Variants in ERN1 observed in about 807,000 individuals in gnomAD.
ERN1 encodes serine/threonine-protein kinase/endoribonuclease IRE1.
A neutral mutation model predicts 113.1 loss-of-function variants in ERN1; 39 were observed. The ratio of observed to expected loss-of-function variants is 0.34; its 90% CI spans 0.27 to 0.45. The LOEUF (loss-of-function observed/expected upper bound fraction) is 0.45, where lower values mean the gene tolerates loss of function less well. ERN1 is among the 20% of genes least tolerant of loss of function. The pLI is 1.00. For missense variants in ERN1, 976 were observed against 1,274.8 expected, an observed-to-expected ratio of 0.77 and a Z score of 3.57; for synonymous variants, 507 against 515.9, an observed-to-expected ratio of 0.98 and a Z score of 0.23.
chr17:64,117,884 C>A (rs1410118113), intron 1 of ERN1, among the ~76,000 whole-genome samples: 2 of 152,308 alleles, frequency 1.3e-5, no homozygotes, highest in Non-Finnish European at 2.9e-5. Context: ...TCTATCCCAA[C>A]CAACTAGGTA....
Position 64,071,996 on chromosome 17 carries a change from ACAG to A in ERN1, c.460_462del (p.Leu154del). 1 of 1,574,554 alleles carries A rather than the reference ACAG, an allele frequency of 6.4e-7. No individual in the cohort carries two copies. Among genetic ancestry groups the A allele is most frequent in the Non-Finnish European group, 8.6e-7 (1 of 1,159,082 alleles). On this transcript the variant is annotated inframe_deletion, in exon 6 of 22. Transcript: ENST00000433197. ...CATTTCTTACCTGTTCGCCCAAGAT[ACAG>A]AAGAGAGGTTGATGGGCAGAGACTA... is the stretch of plus-strand genomic sequence containing the variant.
At chr17:64,089,115 C>T (rs1229533904) in intron 2 of ERN1, among the ~76,000 whole-genome samples, 3 of 151,898 alleles carry the variant, frequency 2.0e-5, no homozygotes, top group Admixed American at 6.6e-5. Flanking sequence ...GTCAGGAGAT[C>T]GAAACCATCC....
At chr17:64,079,563 A>C (rs78424767) in intron 4 of ERN1, 99 bp downstream of exon 4, 69,702 of 938,196 alleles carry the variant, frequency 0.074, 3,119 homozygotes, top group Middle Eastern at 0.11. Flanking sequence ...TTGTTTTTAA[A>C]AGCTCCAGGT....
intron 11 of ERN1, 77 bp downstream of exon 11, chr17:64,060,392 G>A: frequency 1.1e-6 from 1 of 899,946 alleles, no homozygotes; most frequent in East Asian, 2.4e-5. Flanking sequence ...AAGCTCAGAA[G>A]GCAGAGTCAA....
At position 64,039,578 on chromosome 17, in the gene ERN1, C is replaced by G. The variant is rs552410932; in HGVS notation, c.*4410G>C. On this transcript the variant is annotated 3_prime_UTR_variant, in exon 22 of 22. Transcript: ENST00000433197. ...GTCAAGGGTGTTGTCCAAAACAAAT[C>G]TGATGTGCTTTAAGCAAGTACAATT... 1 of 152,186 alleles carries G rather than the reference C, an allele frequency of 6.6e-6. No homozygotes were observed. Among genetic ancestry groups the G allele is most frequent in the Non-Finnish European group, 1.5e-5 (1 of 68,032 alleles). 9.4% of individuals were successfully genotyped at this position (152,186 alleles called of 1,614,324 possible).
At chr17:64,053,505 C>A in intron 15 of ERN1, 134 bp from the exon 16 acceptor site, 1 of 514,416 alleles carries the variant, frequency 1.9e-6, no homozygotes, top group Non-Finnish European at 3.1e-6. Context: ...TCCATGTTTT[C>A]CAGCAAGGAG....
intron 12 of ERN1, among the ~76,000 whole-genome samples, chr17:64,057,469 C>G (rs196934): frequency 0.023 from 3,474 of 152,178 alleles, 55 homozygotes; most frequent in Non-Finnish European, 0.037. Context: ...CACGGGTTCA[C>G]GCCATTCTCC....
chr17:64,097,498 T>C (rs887180015), intron 2 of ERN1, among the ~76,000 whole-genome samples: 2 of 152,176 alleles, frequency 1.3e-5, no homozygotes, highest in African/African-American at 4.8e-5. Flanking sequence ...GGGATTTGCA[T>C]GGCTTTATCT....
At chr17:64,095,250 G>A (rs144926031) in intron 2 of ERN1, among the ~76,000 whole-genome samples, 5,677 of 152,078 alleles carry the variant, frequency 0.037, 385 homozygotes, top group African/African-American at 0.13. Flanking sequence ...CCAACATGGT[G>A]AAACTCCATC....
chr17:64,090,711 A>C (rs947612515), intron 2 of ERN1, among the ~76,000 whole-genome samples: 7 of 152,224 alleles, frequency 4.6e-5, no homozygotes, highest in Non-Finnish European at 1.0e-4. Flanking sequence ...GGCAGCTGCT[A>C]AGAGGAGCCA....
rs556136436 is a variant in ERN1, at chr17:64,098,724, T to G, written c.55-483A>C. Among the ~76,000 whole-genome samples, 58 of 152,056 alleles carry G rather than the reference T, an allele frequency of 3.8e-4. 1 individual carries two copies. The highest frequency in any genetic ancestry group is 4.0e-4 in the Non-Finnish European group (27 of 67,966). ...AAACAGCTTTCATTATACAAAGAAT[T>G]TATAAAATAAAACACTAAGATTCCA... On this transcript the variant is annotated intron_variant, in intron 1 of 21. Transcript: ENST00000433197.
chr17:64,082,232 C>A (rs954314724), intron 2 of ERN1, among the ~76,000 whole-genome samples: 1 of 152,104 alleles, frequency 6.6e-6, no homozygotes, highest in African/African-American at 2.4e-5. Flanking sequence ...GGGCAGCAAA[C>A]AAACAACTCA....
chr17:64,127,475 C>T (rs551412665), intron 1 of ERN1, among the ~76,000 whole-genome samples: 8 of 152,174 alleles, frequency 5.3e-5, no homozygotes, highest in East Asian at 1.9e-4. Flanking sequence ...AAATCATGGC[C>T]GGGTGCGGTG....
At chr17:64,095,063 A>G (rs998807208) in intron 2 of ERN1, among the ~76,000 whole-genome samples, 1 of 152,256 alleles carries the variant, frequency 6.6e-6, no homozygotes, top group African/African-American at 2.4e-5. Context: ...GTATAGAAAT[A>G]TAAGTCAAGG....
At position 64,067,132 on chromosome 17, in the gene ERN1, G is replaced by C. The variant is rs1913254989; in HGVS notation, c.581-200C>G. The C allele has an allele frequency of 4.9e-6, 3 of 613,986 alleles. No homozygotes were observed. In the South Asian group the frequency reaches 6.4e-5, roughly 13 times the overall value. 38.0% of individuals were successfully genotyped at this position (613,986 alleles called of 1,614,324 possible). Reference sequence around the variant, plus strand: ...ATATCAAGACACTGAGAGCTGGCTGGCGTATAAACACAAGCCAGGATCACT... The same window carrying C: ...ATATCAAGACACTGAGAGCTGGCTGCCGTATAAACACAAGCCAGGATCACT... On this transcript the variant is annotated intron_variant, in intron 7 of 21. Coordinates refer to ENST00000433197, the MANE Select transcript of ERN1 (RefSeq NM_001433.5).
intron 1 of ERN1, among the ~76,000 whole-genome samples, chr17:64,100,194 C>A (rs1914346706): frequency 6.6e-6 from 1 of 152,064 alleles, no homozygotes; most frequent in African/African-American, 2.4e-5. Flanking sequence ...TATGACAAGG[C>A]CACTGGGAGT....
intron 2 of ERN1, among the ~76,000 whole-genome samples, chr17:64,092,116 T>C (rs1461522832): frequency 6.6e-6 from 1 of 151,922 alleles, no homozygotes; most frequent in African/African-American, 2.4e-5. Context: ...TGGATGGTGG[T>C]CAGGAGGCTG....
chr17:64,123,320 T>C (rs1465218431), intron 1 of ERN1, among the ~76,000 whole-genome samples: 1 of 152,192 alleles, frequency 6.6e-6, no homozygotes, highest in Admixed American at 6.5e-5. Flanking sequence ...AAAGTTGATC[T>C]GAAACCACTG....
In ERN1 at chr17:64,063,593, T is replaced by C. The variant is rs1913120093; in HGVS notation, c.1087+393A>G. On this transcript the variant is annotated intron_variant, in intron 10 of 21. Transcript: ENST00000433197. The surrounding 1 kb of genome is among the most constrained non-coding windows in gnomAD (Gnocchi z 5.1). ...CCAACCCCTCACCCTCATGCCCACG[T>C]GGACTCCAAGTTAATTCTTCCATAG... is the stretch of plus-strand genomic sequence containing the variant. Among the ~76,000 whole-genome samples the C allele has an allele frequency of 2.6e-5, 4 of 152,154 alleles. No individual in the cohort carries two copies. The highest frequency in any genetic ancestry group is 4.4e-5 in the Non-Finnish European group (3 of 68,020).
Sources: allele counts gnomAD v4.1 joint callset (sites outside exome capture counted in the v4.1 genomes callset), GRCh38; gene constraint gnomAD v4.1.1; non-coding constraint Gnocchi (gnomAD v3.1); transcripts MANE v1.5; gene names NCBI Gene and HGNC (gene_info 2026-07-23, HGNC 2026-07-21).